Variants in TXNDC12 observed in about 807,000 individuals in gnomAD.
TXNDC12 encodes the protein thioredoxin domain-containing protein 12.
Under a neutral mutation model 24.2 loss-of-function variants are expected in TXNDC12, and 22 were observed. That is an observed-to-expected ratio of 0.91 (90% CI 0.65 to 1.30). The LOEUF is 1.30. Ranked by LOEUF, TXNDC12 falls within the 50% of genes most tolerant of loss-of-function variation. The pLI is 0.00. For synonymous variants in TXNDC12, 58 were observed against 73.4 expected (o/e 0.79, Z 1.07); for missense variants, 184 against 205.8 (o/e 0.89, Z 0.65).
chr1:52,021,399 G>A lies in TXNDC12; in HGVS notation c.440-387C>T, dbSNP rs547657037. The stretch of plus-strand genomic sequence containing the variant: ...AGGGAAGAGGAAACACCTTCCTACC[G>A]TCCCCATTGTATCTTTTGGATGAAT... On this transcript the variant is annotated intron_variant, in intron 6 of 6. Transcript: ENST00000371626. Among the ~76,000 whole-genome samples, 7 of 151,526 alleles carry A rather than the reference G, an allele frequency of 4.6e-5. No individual in the cohort carries two copies. The East Asian group carries it at 9.7e-4, about 21-fold the overall frequency.
At chr1:52,024,425 A>C in intron 5 of TXNDC12, 85 bp downstream of exon 5, 1 of 1,035,904 alleles carries the variant, frequency 9.7e-7, no homozygotes. Flanking sequence ...ATCCTGGTAT[A>C]GTTTCACTAG....
chr1:52,038,600 G>A (rs1364927873), intron 2 of TXNDC12, among the ~76,000 whole-genome samples: 2 of 152,062 alleles, frequency 1.3e-5, no homozygotes, highest in African/African-American at 2.4e-5. Flanking sequence ...GCAACACTGC[G>A]CCCAGCCTGT....
At chr1:52,051,520 C>T (rs1686205068) in intron 1 of TXNDC12, among the ~76,000 whole-genome samples, 1 of 152,296 alleles carries the variant, frequency 6.6e-6, no homozygotes, top group Admixed American at 6.5e-5. Flanking sequence ...GGATTACAGG[C>T]GTGTGCCACC....
At chr1:52,042,633 T>A (rs1686014873) in intron 1 of TXNDC12, among the ~76,000 whole-genome samples, 1 of 152,016 alleles carries the variant, frequency 6.6e-6, no homozygotes, top group African/African-American at 2.4e-5. Flanking sequence ...GCTAATTTTT[T>A]TTTTTGGAGA....
chr1:52,039,086 C>CT (rs1685939259), intron 2 of TXNDC12, among the ~76,000 whole-genome samples: 1 of 24,946 alleles, frequency 4.0e-5, no homozygotes, highest in Non-Finnish European at 6.6e-5. Flanking sequence ...AAGACACCGT[C>CT]TCAAAAAAAA....
At chr1:52,037,016 A>G (rs1437990621) in intron 2 of TXNDC12, among the ~76,000 whole-genome samples, 1 of 152,140 alleles carries the variant, frequency 6.6e-6, no homozygotes, top group Admixed American at 6.5e-5. Flanking sequence ...AGCTATTTCT[A>G]TAACGACAAT....
chr1:52,039,643 T>C (rs1159675876), intron 2 of TXNDC12, among the ~76,000 whole-genome samples: 1 of 152,200 alleles, frequency 6.6e-6, no homozygotes, highest in African/African-American at 2.4e-5. Context: ...GAAACTACGT[T>C]ATACTGCGAT....
At chr1:52,042,672 G>T (rs761402638) in intron 1 of TXNDC12, among the ~76,000 whole-genome samples, 5 of 151,982 alleles carry the variant, frequency 3.3e-5, no homozygotes, top group Non-Finnish European at 7.4e-5. Flanking sequence ...GCCCAGGCTG[G>T]AGTGCAATGG....
chr1:52,042,767 C>A (rs192654769), intron 1 of TXNDC12, among the ~76,000 whole-genome samples: 69 of 152,298 alleles, frequency 4.5e-4, no homozygotes, highest in African/African-American at 1.5e-3. Flanking sequence ...GGATTACAGG[C>A]ATGTGCCACC....
intron 2 of TXNDC12, 115 bp from the exon 3 acceptor site, chr1:52,028,745 A>G: frequency 1.2e-6 from 1 of 804,410 alleles, no homozygotes; most frequent in Admixed American, 2.6e-5. Context: ...GAAAATCTTT[A>G]GACAAATGTT....
chr1:52,051,079 T>C (rs1686190887), intron 1 of TXNDC12: 1 of 169,166 alleles, frequency 5.9e-6, no homozygotes, highest in Non-Finnish European at 1.5e-5. Flanking sequence ...ATAAAAACAT[T>C]GTCCATCTCA....
chr1:52,052,665 T>C (rs1373715060), intron 1 of TXNDC12: 2 of 153,758 alleles, frequency 1.3e-5, no homozygotes, highest in African/African-American at 4.8e-5. Flanking sequence ...ATTGTGAGCA[T>C]AATAAAATGA....
In TXNDC12 at chr1:52,055,151, C is replaced by T; in HGVS notation, c.-55G>A. 2 of 1,274,756 alleles carry T rather than the reference C, an allele frequency of 1.6e-6. No individual in the cohort carries two copies. The highest frequency in any genetic ancestry group is 2.3e-6 in the Non-Finnish European group (2 of 873,474). The allele number at this position is 1,274,756 out of a possible 1,614,324, so 79.0% of individuals were successfully genotyped here. On this transcript the variant is annotated 5_prime_UTR_variant, in exon 1 of 7. Coordinates refer to ENST00000371626, the MANE Select transcript of TXNDC12 (RefSeq NM_015913.4). ...AGCGGACGCAGGGCCGGAGTCCCAGCAGACGGTCCACACAGTTCGCCGAGC... is the reference window on the plus strand; with the variant it reads ...AGCGGACGCAGGGCCGGAGTCCCAGTAGACGGTCCACACAGTTCGCCGAGC...
intron 2 of TXNDC12, chr1:52,032,585 G>A (rs1265657690): frequency 6.8e-7 from 1 of 1,466,322 alleles, no homozygotes; most frequent in African/African-American, 1.4e-5. Context: ...AGTCACAACA[G>A]CTCTAGTACA....
chr1:52,031,316 C>T (rs370498324), intron 2 of TXNDC12, among the ~76,000 whole-genome samples: 37 of 150,456 alleles, frequency 2.5e-4, no homozygotes, highest in African/African-American at 8.6e-4. Flanking sequence ...CGTGCCACCA[C>T]GCCCGGCTAA....
chr1:52,027,782 T>C (rs1417737378), intron 3 of TXNDC12, among the ~76,000 whole-genome samples: 2 of 146,728 alleles, frequency 1.4e-5, no homozygotes, highest in African/African-American at 2.6e-5. Flanking sequence ...TTATATGTTA[T>C]ATATGTTATG....
Position 52,020,735 on chromosome 1 carries a change from C to T in TXNDC12, c.*198G>A. ...GAGGGAAAAGGAGAAGAAAGTCTGC[C>T]ACTCTCCGCTGGATCCACAAACATG... On this transcript the variant is annotated 3_prime_UTR_variant, in exon 7 of 7. Transcript: ENST00000371626. 5.9e-6 allele frequency: 3 copies of T among 507,464 alleles called. No individual in the cohort carries two copies. Among genetic ancestry groups the T allele is most frequent in the South Asian group, 3.6e-5 (1 of 28,134 alleles). The allele number at this position is 507,464 out of a possible 1,614,324, so 31.4% of individuals were successfully genotyped here.
In TXNDC12 at chr1:52,033,196, G is replaced by C. The variant is rs138486051; in HGVS notation, c.159-4566C>G. ...CTTTGCAGATTTCTCTGAATCCGGAGTCACAAGAGCTGGAGACTCCGCAGC... is the reference window on the plus strand; with the variant it reads ...CTTTGCAGATTTCTCTGAATCCGGACTCACAAGAGCTGGAGACTCCGCAGC... On this transcript the variant is annotated intron_variant, in intron 2 of 6. Coordinates refer to ENST00000371626, the MANE Select transcript of TXNDC12 (RefSeq NM_015913.4). 5.2e-4 allele frequency: 841 copies of C among 1,614,210 alleles called. No homozygotes were observed. The highest frequency in any genetic ancestry group is 9.9e-4 in the Middle Eastern group (6 of 6,060).
intron 2 of TXNDC12, chr1:52,034,189 T>C: frequency 1.6e-6 from 1 of 628,342 alleles, no homozygotes; most frequent in Non-Finnish European, 2.3e-6. Flanking sequence ...ACCATTTCAA[T>C]CATTCAACAT....
Sources: gnomAD v4.1 joint callset for allele counts (sites outside exome capture counted in the v4.1 genomes callset) on GRCh38, gnomAD v4.1.1 for gene constraint, MANE v1.5 for transcripts, NCBI Gene and HGNC (gene_info 2026-07-23, HGNC 2026-07-21) for gene names.